Variants in ADAMTSL1 observed in about 807,000 individuals in gnomAD.
ADAMTSL1 encodes ADAMTS like 1.
In ADAMTSL1, 126 loss-of-function variants were observed where a neutral mutation model predicts 201.8. The observed-to-expected ratio is 0.62, with a 90% CI of 0.54 to 0.72. The LOEUF is 0.72. Ranked by LOEUF, ADAMTSL1 falls within the 30% of genes least tolerant of loss-of-function variation. The pLI, the probability that ADAMTSL1 is intolerant of heterozygous loss-of-function variation, is 0.00. For missense variants in ADAMTSL1, 2,679 were observed against 2,277.8 expected, an observed-to-expected ratio of 1.18 and a Z score of -3.59; for synonymous variants, 1,121 against 903.4, an observed-to-expected ratio of 1.24 and a Z score of -4.32.
Position 18,753,380 on chromosome 9 carries a change from C to A in ADAMTSL1, c.2089C>A (p.Leu697Ile), listed in dbSNP as rs1819569473. The change falls in exon 16 of 29, where the codon CTT becomes ATT. Residue 697 changes from leucine to isoleucine, a missense_variant. Coordinates refer to ENST00000380548, the MANE Select transcript of ADAMTSL1 (RefSeq NM_001040272.6). ...CAGAGACGTCTTCTGCAGCCACCTG[C>A]TTTCCAGAGAGATGAATGAAACAGT... ...QTRDVFCSHL[L>I]SREMNETVIL... 6.2e-7 allele frequency: 1 copy of A among 1,612,684 alleles called. No individual in the cohort carries two copies. The highest frequency in any genetic ancestry group is 2.2e-5 in the East Asian group (1 of 44,806).
intron 1 of ADAMTSL1, among the ~76,000 whole-genome samples, chr9:18,080,240 T>C (rs1449045783): frequency 1.3e-5 from 2 of 152,072 alleles, no homozygotes; most frequent in African/African-American, 2.4e-5. Context: ...ACAAAGTTGG[T>C]AGAAACACCA....
chr9:18,839,379 C>A (rs1410789125), intron 23 of ADAMTSL1, among the ~76,000 whole-genome samples: 2 of 152,062 alleles, frequency 1.3e-5, no homozygotes, highest in Admixed American at 6.5e-5. Flanking sequence ...TTTTTTATGG[C>A]TGCATAGTAT....
chr9:18,534,622 G>C (rs930575733), intron 3 of ADAMTSL1, among the ~76,000 whole-genome samples: 1 of 152,076 alleles, frequency 6.6e-6, no homozygotes, highest in African/African-American at 2.4e-5. Context: ...CTTCCGCATT[G>C]CCCAGAAGAT....
intron 23 of ADAMTSL1, among the ~76,000 whole-genome samples, chr9:18,857,163 A>G (rs1294643269): frequency 6.6e-6 from 1 of 152,158 alleles, no homozygotes. Context: ...AATAACTTCA[A>G]TTTTACAAAA....
At chr9:18,546,473 A>G (rs1408484690) in intron 3 of ADAMTSL1, among the ~76,000 whole-genome samples, 2 of 152,052 alleles carry the variant, frequency 1.3e-5, no homozygotes, top group East Asian at 3.9e-4. Context: ...CACTGAGTAA[A>G]TATACTTTAT....
intron 16 of ADAMTSL1, among the ~76,000 whole-genome samples, chr9:18,755,074 T>G (rs539652211): frequency 1.3e-5 from 2 of 152,332 alleles, no homozygotes; most frequent in Admixed American, 1.3e-4. Flanking sequence ...ATACCAAACC[T>G]ATTGTGTATG....
At chr9:18,056,369 G>A (rs1259082616) in intron 1 of ADAMTSL1, among the ~76,000 whole-genome samples, 1 of 152,162 alleles carries the variant, frequency 6.6e-6, no homozygotes, top group African/African-American at 2.4e-5. Flanking sequence ...GCTTAGACAA[G>A]AGCGTGTTTC....
intron 2 of ADAMTSL1, among the ~76,000 whole-genome samples, chr9:18,219,388 A>C (rs1287561855): frequency 6.8e-6 from 1 of 147,132 alleles, no homozygotes; most frequent in Non-Finnish European, 1.5e-5. Context: ...TATTTATTTG[A>C]GACAGTGTGT....
At chr9:18,528,122 C>G (rs1413505465) in intron 2 of ADAMTSL1, among the ~76,000 whole-genome samples, 1 of 152,220 alleles carries the variant, frequency 6.6e-6, no homozygotes, top group African/African-American at 2.4e-5. Flanking sequence ...ACATGATCCA[C>G]CTGTCTTGGC....
intron 2 of ADAMTSL1, among the ~76,000 whole-genome samples, chr9:18,251,325 C>T (rs1432425940): frequency 2.6e-5 from 4 of 152,052 alleles, no homozygotes; most frequent in Non-Finnish European, 5.9e-5. Flanking sequence ...AAATAGTTTT[C>T]TGAAGACGGT....
intron 2 of ADAMTSL1, among the ~76,000 whole-genome samples, chr9:18,360,855 T>G (rs1836487072): frequency 6.6e-6 from 1 of 152,196 alleles, no homozygotes. Flanking sequence ...ATCCTAAACT[T>G]TTCATTTTCC....
At chr9:18,585,661 C>T (rs778672380) in intron 4 of ADAMTSL1, among the ~76,000 whole-genome samples, 42 of 152,062 alleles carry the variant, frequency 2.8e-4, no homozygotes, top group South Asian at 6.2e-4. Flanking sequence ...AAAAAGAAAA[C>T]TTCAGATCAA....
chr9:17,990,454 C>G (rs1819107087), intron 1 of ADAMTSL1, among the ~76,000 whole-genome samples: 1 of 152,078 alleles, frequency 6.6e-6, no homozygotes, highest in African/African-American at 2.4e-5. Flanking sequence ...CTAAGACTCT[C>G]AGTGGCCATG....
chr9:17,986,184 T>C (rs1341530036), intron 1 of ADAMTSL1, among the ~76,000 whole-genome samples: 1 of 152,046 alleles, frequency 6.6e-6, no homozygotes, highest in Non-Finnish European at 1.5e-5. Context: ...GGGGTATGCT[T>C]TAAGGAATAT....
rs191690323 is a variant in ADAMTSL1 at position 17,990,681 on chromosome 9, G to C, written c.87+83759G>C. ...GTAAAAAGAACTCAGAAAGCCAGAT[G>C]AGTTTTTAAATGAACTCTCTAGAAG... On this transcript the variant is annotated intron_variant, in intron 1 of 29. Transcript: ENST00000680146. 5.9e-5 allele frequency among the ~76,000 whole-genome samples: 9 copies of C among 152,112 alleles called. No homozygotes were observed. In the East Asian group the frequency reaches 1.7e-3, roughly 30 times the overall value.
At chr9:18,042,730 A>G (rs1336570951) in intron 1 of ADAMTSL1, among the ~76,000 whole-genome samples, 1 of 152,180 alleles carries the variant, frequency 6.6e-6, no homozygotes, top group East Asian at 1.9e-4. Context: ...AATTAAACTC[A>G]TGAAAGCCTG....
chr9:18,839,979 G>A (rs1243793960), intron 23 of ADAMTSL1, among the ~76,000 whole-genome samples: 1 of 150,218 alleles, frequency 6.7e-6, no homozygotes, highest in Non-Finnish European at 1.5e-5. Context: ...CTCCCATTTT[G>A]TAGGTTGCCT....
intron 1 of ADAMTSL1, among the ~76,000 whole-genome samples, chr9:18,115,075 A>G (rs1825192974): frequency 6.6e-6 from 1 of 152,188 alleles, no homozygotes; most frequent in Non-Finnish European, 1.5e-5. Flanking sequence ...TTTAAAAAAA[A>G]TGAAACTTTA....
At chr9:18,643,083 G>A (rs1688215758) in intron 7 of ADAMTSL1, among the ~76,000 whole-genome samples, 1 of 151,930 alleles carries the variant, frequency 6.6e-6, no homozygotes, top group Admixed American at 6.6e-5. Flanking sequence ...CTACATCCGT[G>A]CCAATACTTA....
Sources: allele counts gnomAD v4.1 joint callset (sites outside exome capture counted in the v4.1 genomes callset), GRCh38; gene constraint gnomAD v4.1.1; transcripts MANE v1.5; gene names NCBI Gene and HGNC (gene_info 2026-07-23, HGNC 2026-07-21).